MSRA: variants seen among roughly 807,000 people sequenced by gnomAD.
MSRA encodes mitochondrial peptide methionine sulfoxide reductase.
In MSRA, 54 loss-of-function variants were observed where a neutral mutation model predicts 31.3. The ratio of observed to expected loss-of-function variants is 1.73; its 90% CI spans 1.39 to 2.17. The LOEUF (loss-of-function observed/expected upper bound fraction) is 2.17, where lower values mean the gene tolerates loss of function less well. Among genes scored for constraint, MSRA ranks in the 30% most tolerant of loss-of-function variants. The probability of loss-of-function intolerance (pLI) is 0.00; values close to 1 mark genes in which losing one functional copy is unlikely to be tolerated. For synonymous variants in MSRA, 169 were observed against 116.5 expected, an observed-to-expected ratio of 1.45 and a Z score of -2.90; for missense variants, 507 against 300.9, an observed-to-expected ratio of 1.69 and a Z score of -5.07.
chr8:10,096,107 G>C lies in MSRA; in HGVS notation c.142+41449G>C, dbSNP rs991626916. On this transcript the variant is annotated intron_variant, in intron 1 of 5. Coordinates refer to ENST00000317173, the MANE Select transcript of MSRA (RefSeq NM_012331.5). ...TTTATAGACATTAACTTTTCAAGGAGCCTTTCTAAGATTTTATGCAGCCCA... is the reference window on the plus strand; with the variant it reads ...TTTATAGACATTAACTTTTCAAGGACCCTTTCTAAGATTTTATGCAGCCCA... The C allele has an allele frequency of 2.7e-5, 35 of 1,296,624 alleles. No individual in the cohort carries two copies. The African/African-American group carries it at 5.0e-4, about 18-fold the overall frequency. The allele number at this position is 1,296,624 out of a possible 1,614,324, so 80.3% of individuals were successfully genotyped here. A position where few individuals can be genotyped will look rare whatever the true frequency, so the allele number is the denominator to read the frequency against.
chr8:10,174,652 G>T (rs1303293001), intron 1 of MSRA, among the ~76,000 whole-genome samples: 2 of 151,978 alleles, frequency 1.3e-5, no homozygotes, highest in Non-Finnish European at 2.9e-5. Flanking sequence ...AGACTCCCCA[G>T]CCTGTCTGCA....
At chr8:10,232,478 C>A (rs980230401) in intron 2 of MSRA, among the ~76,000 whole-genome samples, 26 of 152,198 alleles carry the variant, frequency 1.7e-4, no homozygotes, top group African/African-American at 6.3e-4. Context: ...ATCTGGAAAA[C>A]TGCCTTTCAT....
Position 10,150,454 on chromosome 8 carries a change from C to T in MSRA, c.143-57379C>T, listed in dbSNP as rs138922460. Among the ~76,000 whole-genome samples, 301 of 152,094 alleles carry T rather than the reference C, an allele frequency of 2.0e-3. 2 individuals are homozygous for T. The highest frequency in any genetic ancestry group is 6.9e-3 in the African/African-American group (285 of 41,454). On this transcript the variant is annotated intron_variant, in intron 1 of 5. Coordinates refer to ENST00000317173, the MANE Select transcript of MSRA (RefSeq NM_012331.5). ...AAATACATAACTCTAAACATCATCCCCGAACAAATTACCTTTTATCAATTG... is the reference window on the plus strand; with the variant it reads ...AAATACATAACTCTAAACATCATCCTCGAACAAATTACCTTTTATCAATTG...
At chr8:10,269,017 G>A (rs1440161656) in intron 3 of MSRA, among the ~76,000 whole-genome samples, 1 of 152,244 alleles carries the variant, frequency 6.6e-6, no homozygotes, top group Non-Finnish European at 1.5e-5. Flanking sequence ...CCCATTTGCA[G>A]GTGCGCTGTG....
chr8:10,252,686 G>A (rs1797979246), intron 3 of MSRA, among the ~76,000 whole-genome samples: 1 of 152,222 alleles, frequency 6.6e-6, no homozygotes, highest in Non-Finnish European at 1.5e-5. Context: ...ATCAGGGCAA[G>A]TGGACTGCAA....
intron 1 of MSRA, among the ~76,000 whole-genome samples, chr8:10,161,756 C>T (rs982962338): frequency 6.6e-6 from 1 of 152,018 alleles, no homozygotes; most frequent in Admixed American, 6.6e-5. Context: ...TGCATCTGGG[C>T]AGCGATGGAA....
At chr8:10,205,930 T>C (rs993626786) in intron 1 of MSRA, among the ~76,000 whole-genome samples, 1 of 152,238 alleles carries the variant, frequency 6.6e-6, no homozygotes, top group African/African-American at 2.4e-5. Context: ...ATTTGATAAA[T>C]CATAAATGGT....
chr8:10,366,607 C>T (rs202028686), intron 5 of MSRA, among the ~76,000 whole-genome samples: 6 of 152,300 alleles, frequency 3.9e-5, no homozygotes, highest in Middle Eastern at 3.4e-3. Flanking sequence ...CCTTTGGAAG[C>T]GTTCTCTCAC....
intron 5 of MSRA, among the ~76,000 whole-genome samples, chr8:10,354,459 C>T (rs571062296): frequency 6.6e-6 from 1 of 152,176 alleles, no homozygotes; most frequent in East Asian, 1.9e-4. Flanking sequence ...TTTGATTATG[C>T]AATTTATGTT....
intron 1 of MSRA, among the ~76,000 whole-genome samples, chr8:10,185,667 G>C (rs1806975276): frequency 6.6e-6 from 1 of 152,200 alleles, no homozygotes; most frequent in South Asian, 2.1e-4. Context: ...TCAAGAGCCA[G>C]GCCCTGGTGG....
chr8:10,237,141 G>C (rs1812013436), intron 2 of MSRA, among the ~76,000 whole-genome samples: 1 of 152,178 alleles, frequency 6.6e-6, no homozygotes, highest in Admixed American at 6.5e-5. Flanking sequence ...GTTGTGGTTG[G>C]TCTCATAACT....
intron 1 of MSRA, among the ~76,000 whole-genome samples, chr8:10,064,324 G>C (rs974988759): frequency 3.3e-5 from 5 of 152,004 alleles, no homozygotes; most frequent in Admixed American, 2.0e-4. Context: ...TGTAAGCTCG[G>C]GCTCTTATGA....
intron 4 of MSRA, among the ~76,000 whole-genome samples, chr8:10,318,134 T>A (rs1018221513): frequency 1.1e-4 from 17 of 152,342 alleles, no homozygotes; most frequent in Admixed American, 3.9e-4. Context: ...CTGTAACTTC[T>A]CATGCATCCA....
intron 5 of MSRA, among the ~76,000 whole-genome samples, chr8:10,406,022 C>G (rs1463652712): frequency 2.0e-5 from 3 of 152,272 alleles, no homozygotes; most frequent in African/African-American, 7.2e-5. Context: ...GTAGGGCTGC[C>G]TGCAGTGAGT....
At chr8:10,419,214 C>G (rs371301266) in intron 5 of MSRA, among the ~76,000 whole-genome samples, 1 of 152,162 alleles carries the variant, frequency 6.6e-6, no homozygotes, top group Non-Finnish European at 1.5e-5. Flanking sequence ...TCTCACGTGT[C>G]GCAGGACAGA....
chr8:10,250,678 C>T lies in MSRA; in HGVS notation c.331+5455C>T, dbSNP rs146494468. 339 of 563,752 alleles carry T rather than the reference C, an allele frequency of 6.0e-4. 2 individuals are homozygous for T. The East Asian group carries it at 8.5e-3, about 14-fold the overall frequency. 34.9% of individuals were successfully genotyped at this position (563,752 alleles called of 1,614,324 possible). On this transcript the variant is annotated intron_variant, in intron 3 of 5. Transcript: ENST00000317173. ...GGGAAGAGCGGAGTGTGGGAGTCCT[C>T]GTGTGACCCTCTGGGGGTGGTGATG...
intron 3 of MSRA, among the ~76,000 whole-genome samples, chr8:10,282,300 C>T (rs1799664292): frequency 6.6e-6 from 1 of 152,202 alleles, no homozygotes; most frequent in Non-Finnish European, 1.5e-5. Flanking sequence ...ACTAATTTAT[C>T]TGCAGCTTGG....
chr8:10,280,232 C>T (rs929360240), intron 3 of MSRA, among the ~76,000 whole-genome samples: 2 of 151,726 alleles, frequency 1.3e-5, no homozygotes, highest in Non-Finnish European at 2.9e-5. Context: ...GTGAACCTTT[C>T]TATAAAGTGT....
chr8:10,228,844 A>C (rs571936433), intron 2 of MSRA, among the ~76,000 whole-genome samples: 2 of 152,306 alleles, frequency 1.3e-5, no homozygotes, highest in African/African-American at 4.8e-5. Flanking sequence ...CACAGCAGGC[A>C]TTTGGTGGAT....
Sources: allele counts gnomAD v4.1 joint callset (sites outside exome capture counted in the v4.1 genomes callset), GRCh38; gene constraint gnomAD v4.1.1; transcripts MANE v1.5; gene names NCBI Gene and HGNC (gene_info 2026-07-23, HGNC 2026-07-21).